Variants in DCDC2 observed in about 807,000 individuals in gnomAD.
DCDC2 encodes doublecortin domain-containing protein 2.
DCDC2 carries 40 observed loss-of-function variants against 50.2 expected under a neutral mutation model. The observed-to-expected ratio is 0.80, with a 90% CI of 0.62 to 1.04. The LOEUF is 1.04. Ranked by LOEUF, DCDC2 falls within the 50% of genes least tolerant of loss-of-function variation. DCDC2 has a pLI of 0.00. For missense variants in DCDC2, 570 were observed against 581.9 expected, an observed-to-expected ratio of 0.98 and a Z score of 0.21; for synonymous variants, 234 against 210.6, an observed-to-expected ratio of 1.11 and a Z score of -0.96.
intron 7 of DCDC2, among the ~76,000 whole-genome samples, chr6:24,206,705 C>T (rs1484141084): frequency 1.3e-5 from 2 of 152,020 alleles, no homozygotes; most frequent in African/African-American, 2.4e-5. Flanking sequence ...AGCATTTTAC[C>T]AGAAAAGAAG....
chr6:24,210,364 G>A (rs916692416), intron 7 of DCDC2, among the ~76,000 whole-genome samples: 2 of 151,988 alleles, frequency 1.3e-5, no homozygotes, highest in Admixed American at 1.3e-4. Context: ...TGTCCAATAG[G>A]CACCTCAACC....
In DCDC2 at chr6:24,174,802, T is replaced by C. The variant is rs374448795; in HGVS notation, c.1359A>G (p.Pro453=). 4.9e-5 allele frequency: 79 copies of C among 1,613,684 alleles called. No individual in the cohort carries two copies. Among genetic ancestry groups the C allele is most frequent in the Admixed American group, 2.5e-4 (15 of 60,026 alleles). The part of the protein sequence containing the change: ...ADVDPQRPPR[P]EVKITSPEEN... ...CTTCTGGACTGGTAATTTTTACTTC[T>C]GGCCTTGGTGGTCTTTGAGGGTCTA... Residue 453 remains proline, a synonymous_variant, in exon 10 of 10, where the codon CCA becomes CCG. Transcript: ENST00000378454.
chr6:24,334,927 C>T (rs529567732), intron 2 of DCDC2, among the ~76,000 whole-genome samples: 1 of 152,288 alleles, frequency 6.6e-6, no homozygotes, highest in East Asian at 1.9e-4. Context: ...AGAGACAAAG[C>T]AGGCAGAGCA....
chr6:24,185,450 A>C (rs1483344537), intron 8 of DCDC2, among the ~76,000 whole-genome samples: 3 of 152,228 alleles, frequency 2.0e-5, no homozygotes, highest in Non-Finnish European at 2.9e-5. Context: ...AAAGGCTTAT[A>C]AACCTTTAAA....
rs1455273342 is a variant in DCDC2 at position 24,173,971 on chromosome 6, C to T, written c.*759G>A. 2 of 152,136 alleles carry T rather than the reference C, an allele frequency of 1.3e-5. No homozygotes were observed. The highest frequency in any genetic ancestry group is 2.9e-5 in the Non-Finnish European group (2 of 68,012). The allele number at this position is 152,136 out of a possible 1,614,324, so 9.4% of individuals were successfully genotyped here. ...AAAGATAGACTGGATCAGTGAAAAT[C>T]CACAGGATTTCCATTATCTGCAAAC... On this transcript the variant is annotated 3_prime_UTR_variant, in exon 10 of 10. Transcript: ENST00000378454.
chr6:24,280,300 A>G (rs755159144), intron 6 of DCDC2, among the ~76,000 whole-genome samples: 12 of 152,054 alleles, frequency 7.9e-5, no homozygotes, highest in Non-Finnish European at 1.2e-4. Flanking sequence ...GTGTAATTTA[A>G]TTTCCTATTC....
intron 8 of DCDC2, among the ~76,000 whole-genome samples, chr6:24,197,496 A>G (rs1265700088): frequency 6.6e-6 from 1 of 152,228 alleles, no homozygotes; most frequent in Non-Finnish European, 1.5e-5. Context: ...AAAATATACT[A>G]TTTAATTATG....
At chr6:24,295,215 C>G (rs1178500384) in intron 4 of DCDC2, among the ~76,000 whole-genome samples, 1 of 152,112 alleles carries the variant, frequency 6.6e-6, no homozygotes, top group Non-Finnish European at 1.5e-5. Context: ...GAACTTAAAA[C>G]AAAAACCATA....
chr6:24,264,136 A>G (rs1000827617), intron 7 of DCDC2, among the ~76,000 whole-genome samples: 3 of 152,226 alleles, frequency 2.0e-5, no homozygotes, highest in Non-Finnish European at 2.9e-5. Flanking sequence ...TATATCCAGC[A>G]AAAGTATCTT....
At chr6:24,366,607 G>A in the DCDC2 span, among the ~76,000 whole-genome samples, 1 of 152,240 alleles carries the variant, frequency 6.6e-6, no homozygotes, top group African/African-American at 2.4e-5. Context: ...GAAGGGTGGT[G>A]TGGACATGCA....
rs757640304 is a variant in DCDC2 at position 24,357,859 on chromosome 6, G to T, written c.-109C>A. 4 of 1,585,810 alleles carry T rather than the reference G, an allele frequency of 2.5e-6. No individual in the cohort carries two copies. The highest frequency in any genetic ancestry group is 2.3e-5 in the South Asian group (2 of 86,870). On this transcript the variant is annotated 5_prime_UTR_variant, in exon 1 of 10. Coordinates refer to ENST00000378454, the MANE Select transcript of DCDC2 (RefSeq NM_016356.5). ...CGCGGGATCGCCTCCTGAAACGAACGAGAAACTGACGAATCCACAGGTGAA... is the reference window on the plus strand; with the variant it reads ...CGCGGGATCGCCTCCTGAAACGAACTAGAAACTGACGAATCCACAGGTGAA...
At chr6:24,282,490 C>G (rs1348860521) in intron 6 of DCDC2, among the ~76,000 whole-genome samples, 1 of 151,728 alleles carries the variant, frequency 6.6e-6, no homozygotes, top group Non-Finnish European at 1.5e-5. Flanking sequence ...TGATCCTCCC[C>G]ACTTGGCATC....
chr6:24,191,819 A>G (rs1297171875), intron 8 of DCDC2, among the ~76,000 whole-genome samples: 1 of 152,222 alleles, frequency 6.6e-6, no homozygotes, highest in Non-Finnish European at 1.5e-5. Context: ...AAGAGTGGAA[A>G]GGGAATATCA....
In DCDC2 at chr6:24,284,420, A is replaced by G. The variant is rs1763547106; in HGVS notation, c.759+4432T>C. Among the ~76,000 whole-genome samples the G allele has an allele frequency of 2.0e-5, 3 of 151,874 alleles. 1 individual carries two copies. The highest frequency in any genetic ancestry group is 6.6e-5 in the Admixed American group (1 of 15,242). The stretch of plus-strand genomic sequence containing the variant: ...CAGGAGTTCAAGACCAGCCTTGCCA[A>G]GATGGTGAAACCCCGTCTCTACTAA... On this transcript the variant is annotated intron_variant, in intron 6 of 9. Coordinates refer to ENST00000378454, the MANE Select transcript of DCDC2 (RefSeq NM_016356.5).
chr6:24,376,615 A>G, the DCDC2 span, among the ~76,000 whole-genome samples: 1 of 152,090 alleles, frequency 6.6e-6, no homozygotes, highest in Admixed American at 6.5e-5. Flanking sequence ...TATGGGATGC[A>G]CATGTACTTT....
intron 8 of DCDC2, among the ~76,000 whole-genome samples, chr6:24,193,086 T>C (rs1248421278): frequency 6.6e-6 from 1 of 151,772 alleles, no homozygotes; most frequent in Non-Finnish European, 1.5e-5. Context: ...AATTGAAGAA[T>C]CCCCTCACAA....
intron 2 of DCDC2, among the ~76,000 whole-genome samples, chr6:24,337,985 GATC>G (rs563217841): frequency 1.8e-3 from 273 of 152,240 alleles, no homozygotes; most frequent in Non-Finnish European, 3.1e-3. Context: ...GACACTGAAT[GATC>G]ATCTTTTAAT....
chr6:24,307,018 CTGAT>C (rs1025555955), intron 2 of DCDC2, among the ~76,000 whole-genome samples: 93 of 152,330 alleles, frequency 6.1e-4, no homozygotes, highest in African/African-American at 2.1e-3. Flanking sequence ...AATTTTGACA[CTGAT>C]TGCCTAAACC....
intron 2 of DCDC2, among the ~76,000 whole-genome samples, chr6:24,310,395 G>T (rs1759550552): frequency 6.6e-6 from 1 of 152,020 alleles, no homozygotes; most frequent in Non-Finnish European, 1.5e-5. Context: ...TGCATAACTG[G>T]ATACTCCATC....
Sources: gnomAD v4.1 joint callset for allele counts (sites outside exome capture counted in the v4.1 genomes callset) on GRCh38, gnomAD v4.1.1 for gene constraint, MANE v1.5 for transcripts, NCBI Gene and HGNC (gene_info 2026-07-23, HGNC 2026-07-21) for gene names.